Variants in DPP10 observed in about 807,000 individuals in gnomAD.
The protein encoded by DPP10 is inactive dipeptidyl peptidase 10.
Under a neutral mutation model 120.9 loss-of-function variants are expected in DPP10, and 33 were observed. The ratio of observed to expected loss-of-function variants is 0.27; its 90% confidence interval spans 0.21 to 0.37. The LOEUF (loss-of-function observed/expected upper bound fraction) is 0.37, where lower values mean the gene tolerates loss of function less well. Among genes scored for constraint, DPP10 ranks in the 10% least tolerant of loss-of-function variants. The pLI is 1.00. For missense variants in DPP10, 816 were observed against 942.8 expected (o/e 0.87, Z 1.76); for synonymous variants, 337 against 326.1 (o/e 1.03, Z -0.36).
chr2:115,049,748 T>A (rs2105338060), intron 1 of DPP10, among the ~76,000 whole-genome samples: 1 of 152,356 alleles, frequency 6.6e-6, no homozygotes, highest in Non-Finnish European at 1.5e-5. Flanking sequence ...ATTTCTGCAC[T>A]CTTCTTCCTA....
At chr2:114,975,554 T>C (rs1699700018) in intron 1 of DPP10, among the ~76,000 whole-genome samples, 3 of 152,200 alleles carry the variant, frequency 2.0e-5, no homozygotes, top group Non-Finnish European at 2.9e-5. Flanking sequence ...CTAGTAAAAA[T>C]GCGTTTGTGC....
chr2:114,679,961 T>G (rs962374430), intron 1 of DPP10, among the ~76,000 whole-genome samples: 1 of 152,032 alleles, frequency 6.6e-6, no homozygotes, highest in East Asian at 1.9e-4. Context: ...ATTCTGCAAG[T>G]CATGACAGGA....
intron 1 of DPP10, among the ~76,000 whole-genome samples, chr2:114,904,355 G>T (rs1318723251): frequency 1.3e-5 from 2 of 152,228 alleles, no homozygotes; most frequent in African/African-American, 4.8e-5. Context: ...GCTGAAGTGT[G>T]TTTGTGTTCT....
chr2:115,614,260 A>G (rs567282515), intron 5 of DPP10, among the ~76,000 whole-genome samples: 16 of 152,298 alleles, frequency 1.1e-4, no homozygotes, highest in Middle Eastern at 3.4e-3. Flanking sequence ...AGGTGGGATA[A>G]TTCTTTATTG....
At chr2:115,054,965 T>C (rs1185555347) in intron 1 of DPP10, among the ~76,000 whole-genome samples, 1 of 152,186 alleles carries the variant, frequency 6.6e-6, no homozygotes, top group East Asian at 1.9e-4. Context: ...CTTTTCACAA[T>C]ATAATAGGTT....
intron 2 of DPP10, among the ~76,000 whole-genome samples, chr2:115,318,722 T>A (rs2061917794): frequency 6.6e-6 from 1 of 152,172 alleles, no homozygotes; most frequent in East Asian, 1.9e-4. Context: ...TTAATCATTG[T>A]TGGTATACAG....
rs576263935 is a variant in DPP10, at chr2:115,451,850, G to T, written c.272-47660G>T. Among the ~76,000 whole-genome samples the T allele has an allele frequency of 2.0e-5, 3 of 151,756 alleles. No homozygotes were observed. The Admixed American group carries it at 2.0e-4, about 10-fold the overall frequency. On this transcript the variant is annotated intron_variant, in intron 3 of 25. Coordinates refer to ENST00000410059, the MANE Select transcript of DPP10 (RefSeq NM_020868.6). ...AAGTTTTTTGAAGGAACAAAGTATC[G>T]TTTGTATAGGAGAGAAAGAATGTGT... is the stretch of plus-strand genomic sequence containing the variant.
chr2:114,942,298 C>CAT (rs752991108), intron 1 of DPP10, among the ~76,000 whole-genome samples: 5,308 of 104,468 alleles, frequency 0.051, 168 homozygotes, highest in African/African-American at 0.09. Flanking sequence ...TATATATATA[C>CAT]ATATATATAT....
chr2:115,532,568 A>G (rs1244838938), intron 5 of DPP10, among the ~76,000 whole-genome samples: 1 of 152,020 alleles, frequency 6.6e-6, no homozygotes, highest in Non-Finnish European at 1.5e-5. Flanking sequence ...TCAGTACTTA[A>G]TATACTTCTC....
chr2:115,225,049 G>C (rs1323943108), intron 1 of DPP10, among the ~76,000 whole-genome samples: 1 of 152,070 alleles, frequency 6.6e-6, no homozygotes, highest in Non-Finnish European at 1.5e-5. Context: ...ATAGTCCATA[G>C]GTCTATTTTA....
At chr2:115,308,101 A>C (rs2061430674) in intron 1 of DPP10, among the ~76,000 whole-genome samples, 1 of 152,114 alleles carries the variant, frequency 6.6e-6, no homozygotes, top group Admixed American at 6.6e-5. Context: ...TAGTTCTTTA[A>C]ATCTGCCGGG....
intron 1 of DPP10, among the ~76,000 whole-genome samples, chr2:115,062,804 G>T (rs1251218722): frequency 6.6e-6 from 1 of 152,136 alleles, no homozygotes; most frequent in Non-Finnish European, 1.5e-5. Context: ...TGGGCATTTG[G>T]GTTGACTCCA....
intron 1 of DPP10, among the ~76,000 whole-genome samples, chr2:114,784,253 G>C (rs1037805733): frequency 6.6e-6 from 1 of 152,032 alleles, no homozygotes; most frequent in Non-Finnish European, 1.5e-5. Flanking sequence ...TCACTTTATA[G>C]ATAAAGTTCA....
At chr2:115,726,151 T>C (rs2092761430) in intron 7 of DPP10, among the ~76,000 whole-genome samples, 1 of 152,208 alleles carries the variant, frequency 6.6e-6, no homozygotes, top group African/African-American at 2.4e-5. Flanking sequence ...GCCTTCCTAC[T>C]ATTAATACTA....
Position 115,711,915 on chromosome 2 carries a change from G to GTTTTTTTTTTTTTTTT in DPP10, c.577-15901_577-15900insTTTTTTTTTTTTTTTT, listed in dbSNP as rs1491280011. Among the ~76,000 whole-genome samples the GTTTTTTTTTTTTTTTT allele has an allele frequency of 1.2e-4, 12 of 96,972 alleles. 6 individuals carry two copies. The highest frequency in any genetic ancestry group is 1.2e-4 in the Non-Finnish European group (6 of 50,812). The allele number at this position is 96,972 out of a possible 152,430, so 63.6% of individuals were successfully genotyped here. A position where few individuals can be genotyped will look rare whatever the true frequency, so the allele number is the denominator to read the frequency against. The stretch of plus-strand genomic sequence containing the variant: ...GAATATTGGACCTATAAAATGGTCT[G>GTTTTTTTTTTTTTTTT]GTTTTTTTTTTTTTTTTTTTTTTGG... On this transcript the variant is annotated intron_variant, in intron 7 of 25. Transcript: ENST00000410059.
intron 1 of DPP10, among the ~76,000 whole-genome samples, chr2:114,827,233 T>A (rs571126643): frequency 6.6e-6 from 1 of 152,198 alleles, no homozygotes; most frequent in South Asian, 2.1e-4. Flanking sequence ...TATGTGGTAA[T>A]CTGGAGAGGT....
At chr2:115,378,732 TC>T (rs2066022790) in intron 3 of DPP10, among the ~76,000 whole-genome samples, 1 of 152,150 alleles carries the variant, frequency 6.6e-6, no homozygotes, top group Non-Finnish European at 1.5e-5. Flanking sequence ...ATCCCATCAA[TC>T]CCTAATTTAT....
At chr2:115,630,790 C>T (rs993958118) in intron 5 of DPP10, among the ~76,000 whole-genome samples, 2 of 152,100 alleles carry the variant, frequency 1.3e-5, no homozygotes, top group Non-Finnish European at 2.9e-5. Flanking sequence ...TGATATGTTG[C>T]TGGATCCAGT....
intron 5 of DPP10, among the ~76,000 whole-genome samples, chr2:115,583,105 A>G (rs2082092464): frequency 6.6e-6 from 1 of 152,194 alleles, no homozygotes; most frequent in Admixed American, 6.5e-5. Flanking sequence ...TGCACTGAAT[A>G]TTTGCATTGG....
Sources: gnomAD v4.1 joint callset for allele counts (sites outside exome capture counted in the v4.1 genomes callset) on GRCh38, gnomAD v4.1.1 for gene constraint, MANE v1.5 for transcripts, NCBI Gene and HGNC (gene_info 2026-07-23, HGNC 2026-07-21) for gene names.